Variants in RAPGEF4 observed in about 807,000 individuals in gnomAD.
The protein encoded by RAPGEF4 is RAP guanine-nucleotide-exchange factor (GEF) 4.
In RAPGEF4, 66 loss-of-function variants were observed where a neutral mutation model predicts 147.9. The ratio of observed to expected loss-of-function variants is 0.45; its 90% CI spans 0.37 to 0.55. RAPGEF4 has a LOEUF of 0.55. RAPGEF4 is among the 20% of genes least tolerant of loss of function. RAPGEF4 has a pLI of 0.00. For missense variants in RAPGEF4, 1,071 were observed against 1,257.3 expected (o/e 0.85, Z 2.24); for synonymous variants, 419 against 442.7 (o/e 0.95, Z 0.67).
chr2:173,032,284 C>T (rs34252442), intron 26 of RAPGEF4, among the ~76,000 whole-genome samples: 6,941 of 152,268 alleles, frequency 0.046, 206 homozygotes, highest in Admixed American at 0.08. Flanking sequence ...TGCCCCACCC[C>T]GGCTGTGACA....
intron 3 of RAPGEF4, among the ~76,000 whole-genome samples, chr2:172,802,782 G>C (rs532203862): frequency 1.3e-5 from 2 of 152,280 alleles, no homozygotes; most frequent in African/African-American, 4.8e-5. Flanking sequence ...AAGCAACTTA[G>C]TTATTTCCTA....
intron 1 of RAPGEF4, among the ~76,000 whole-genome samples, chr2:172,769,636 A>G (rs565283454): frequency 2.8e-4 from 42 of 152,172 alleles, no homozygotes; most frequent in Non-Finnish European, 5.6e-4. Flanking sequence ...TCAAAGCAGC[A>G]TATTTTGGGG....
At chr2:172,816,754 G>A (rs562842364) in intron 4 of RAPGEF4, among the ~76,000 whole-genome samples, 6 of 152,138 alleles carry the variant, frequency 3.9e-5, no homozygotes, top group Non-Finnish European at 8.8e-5. Context: ...TACTGGGGAC[G>A]ACATTCAGAG....
In RAPGEF4 at chr2:173,044,486, C is replaced by T. The variant is rs527396187; in HGVS notation, c.2854-4114C>T. Among the ~76,000 whole-genome samples the T allele has an allele frequency of 2.0e-5, 3 of 152,298 alleles. No individual in the cohort carries two copies. The South Asian group carries it at 6.2e-4, about 32-fold the overall frequency. On this transcript the variant is annotated intron_variant, in intron 29 of 30. Transcript: ENST00000397081. ...TTTCAGCTCTAAAGAAAAATAGACG[C>T]GTGACATAGTCACAGAGTTCTTCAC... is the stretch of plus-strand genomic sequence containing the variant.
chr2:172,882,230 G>A lies in RAPGEF4; in HGVS notation c.445-35572G>A, dbSNP rs184902905. ...CTCAATTTGAAATGTATCTGATACC[G>A]TTTCCCCGCTTCCATATTTACTTCC... On this transcript the variant is annotated intron_variant, in intron 4 of 30. Coordinates refer to ENST00000397081, the MANE Select transcript of RAPGEF4 (RefSeq NM_007023.4). Among the ~76,000 whole-genome samples, 200 of 152,238 alleles carry A rather than the reference G, an allele frequency of 1.3e-3. 1 individual carries two copies. Among genetic ancestry groups the A allele is most frequent in the African/African-American group, 4.5e-3 (187 of 41,542 alleles).
Position 172,988,305 on chromosome 2 carries a change from T to C in RAPGEF4, c.1227+33T>C, listed in dbSNP as rs754678373. ...TATCTTTTTCTTTTTGAAACTTTAT[T>C]ACGCTCCACTTACTAGTGTGGCTCT... is the stretch of plus-strand genomic sequence containing the variant. On this transcript the variant is annotated intron_variant, in intron 13 of 30. Coordinates refer to ENST00000397081, the MANE Select transcript of RAPGEF4 (RefSeq NM_007023.4). 16 of 1,587,254 alleles carry C rather than the reference T, an allele frequency of 1.0e-5. No individual in the cohort carries two copies. The Middle Eastern group carries it at 5.3e-4, about 52-fold the overall frequency.
At chr2:172,741,680 T>C (rs1351888421) in intron 1 of RAPGEF4, among the ~76,000 whole-genome samples, 2 of 152,202 alleles carry the variant, frequency 1.3e-5, no homozygotes, top group Non-Finnish European at 2.9e-5. Flanking sequence ...TTTTTGTTTG[T>C]GTGTGTGTTT....
intron 3 of RAPGEF4, among the ~76,000 whole-genome samples, chr2:172,798,383 G>A (rs1686610549): frequency 6.6e-6 from 1 of 152,074 alleles, no homozygotes; most frequent in Non-Finnish European, 1.5e-5. Context: ...AAGACAAGTG[G>A]CCAAAATGTA....
At chr2:172,961,284 T>C (rs898800226) in intron 8 of RAPGEF4, 56 bp downstream of exon 8, 4 of 1,374,946 alleles carry the variant, frequency 2.9e-6, no homozygotes, top group Non-Finnish European at 4.1e-6. Flanking sequence ...TTAGTGAAAA[T>C]GGAACAAAAA....
chr2:172,748,241 T>C (rs1597649), intron 1 of RAPGEF4, among the ~76,000 whole-genome samples: 2 of 152,034 alleles, frequency 1.3e-5, no homozygotes, highest in African/African-American at 4.8e-5. Flanking sequence ...ATTTTGAGGA[T>C]CCTCCATAAG....
intron 29 of RAPGEF4, among the ~76,000 whole-genome samples, chr2:173,047,275 C>T (rs1464413599): frequency 6.6e-6 from 1 of 152,110 alleles, no homozygotes; most frequent in Non-Finnish European, 1.5e-5. Flanking sequence ...TGTCCATTTT[C>T]TTTTCTCTTT....
chr2:172,795,944 A>T (rs934843711), intron 2 of RAPGEF4, among the ~76,000 whole-genome samples: 4 of 152,224 alleles, frequency 2.6e-5, no homozygotes, highest in Non-Finnish European at 5.9e-5. Context: ...TACTGATACA[A>T]AAACATCCTG....
At chr2:172,929,446 T>C (rs750293354) in intron 6 of RAPGEF4, among the ~76,000 whole-genome samples, 2 of 152,242 alleles carry the variant, frequency 1.3e-5, no homozygotes, top group Non-Finnish European at 2.9e-5. Context: ...TTTGTACATG[T>C]ATAAATATGT....
At chr2:172,769,429 T>G (rs770864074) in intron 1 of RAPGEF4, among the ~76,000 whole-genome samples, 1 of 152,200 alleles carries the variant, frequency 6.6e-6, no homozygotes, top group Admixed American at 6.5e-5. Context: ...AAAGTCTGTC[T>G]GAGCTCTGGG....
At chr2:172,917,541 A>G in intron 4 of RAPGEF4, 1 of 658,546 alleles carries the variant, frequency 1.5e-6, no homozygotes, top group South Asian at 1.5e-5. Flanking sequence ...CACACAATTC[A>G]GGCAGCCACA....
At chr2:172,937,015 C>A (rs971792515) in intron 6 of RAPGEF4, among the ~76,000 whole-genome samples, 3 of 113,244 alleles carry the variant, frequency 2.6e-5, no homozygotes, top group Admixed American at 2.7e-4. Flanking sequence ...GACTGGGCAA[C>A]ACAGTGAGAC....
chr2:172,911,758 CTTTT>C (rs34659758), intron 4 of RAPGEF4, among the ~76,000 whole-genome samples: 31 of 63,248 alleles, frequency 4.9e-4, no homozygotes, highest in South Asian at 2.7e-3. Flanking sequence ...TGTGCTAAGC[CTTTT>C]TTTTTTTTTT....
In RAPGEF4 at chr2:173,018,599, T is replaced by TATTATGAAATATATTAAG. The variant is rs1261072134; in HGVS notation, c.2009-56_2009-55insTTATGAAATATATTAAGA. On this transcript the variant is annotated intron_variant, in intron 21 of 30. Transcript: ENST00000397081. ...GATGCCTAAACATTTTTCATAACTA[T>TATTATGAAATATATTAAG]AGTTTTATTGAAAACTCTTAAGAGT... 3.3e-6 allele frequency: 5 copies of TATTATGAAATATATTAAG among 1,530,300 alleles called. No individual in the cohort carries two copies. In the East Asian group the frequency reaches 1.1e-4, roughly 35 times the overall value. The allele number at this position is 1,530,300 out of a possible 1,614,324, so 94.8% of individuals were successfully genotyped here.
intron 1 of RAPGEF4, among the ~76,000 whole-genome samples, chr2:172,738,058 G>A (rs1055391409): frequency 6.6e-6 from 1 of 152,188 alleles, no homozygotes; most frequent in African/African-American, 2.4e-5. Context: ...AGGCCATGGG[G>A]GGACTTGTTT....
Sources: allele counts gnomAD v4.1 joint callset (sites outside exome capture counted in the v4.1 genomes callset), GRCh38; gene constraint gnomAD v4.1.1; transcripts MANE v1.5; gene names NCBI Gene and HGNC (gene_info 2026-07-23, HGNC 2026-07-21).